ADAM22: variants seen among roughly 807,000 people sequenced by gnomAD.
The protein encoded by ADAM22 is ADAM metallopeptidase domain 22.
In ADAM22, 65 loss-of-function variants were observed where a neutral mutation model predicts 144.6. That is an observed-to-expected ratio of 0.45 (90% CI 0.37 to 0.55). ADAM22 has a LOEUF of 0.55. Among genes scored for constraint, ADAM22 ranks in the 20% least tolerant of loss-of-function variants. The pLI is 0.00. For missense variants in ADAM22, 974 were observed against 1,184.9 expected (o/e 0.82, Z 2.61); for synonymous variants, 391 against 412.6 (o/e 0.95, Z 0.63).
chr7:88,056,256 A>T (rs954495971), intron 3 of ADAM22, among the ~76,000 whole-genome samples: 1 of 152,180 alleles, frequency 6.6e-6, no homozygotes, highest in Non-Finnish European at 1.5e-5. Flanking sequence ...TTCCCCACAG[A>T]TGCCTAATTC....
In ADAM22 at chr7:88,113,364, C is replaced by T. The variant is rs111238952; in HGVS notation, c.474-1220C>T. Among the ~76,000 whole-genome samples, 506 of 151,728 alleles carry T rather than the reference C, an allele frequency of 3.3e-3. 3 individuals carry two copies. Among genetic ancestry groups the T allele is most frequent in the African/African-American group, 0.012 (478 of 41,420 alleles). On this transcript the variant is annotated intron_variant, in intron 5 of 31. Coordinates refer to ENST00000413139, the MANE Select transcript of ADAM22 (RefSeq NM_001324418.2). ...TCTACTATTACTGCTCTGATCTAAG[C>T]CAGCATCTTCTTTCGCCTGGATTAT...
chr7:87,993,011 C>A (rs772897016), intron 3 of ADAM22, among the ~76,000 whole-genome samples: 1 of 152,138 alleles, frequency 6.6e-6, no homozygotes, highest in Non-Finnish European at 1.5e-5. Context: ...GAGGTGAGTT[C>A]GCCTTTCCCC....
At chr7:88,133,173 G>A (rs955299048) in intron 12 of ADAM22, among the ~76,000 whole-genome samples, 2 of 151,836 alleles carry the variant, frequency 1.3e-5, no homozygotes, top group Admixed American at 1.3e-4. Context: ...GACAAGCCTG[G>A]GTAACATGGC....
Position 88,068,513 on chromosome 7 carries a change from A to G in ADAM22, c.324-7113A>G, listed in dbSNP as rs111861010. Among the ~76,000 whole-genome samples the G allele has an allele frequency of 4.5e-3, 687 of 152,294 alleles. 3 individuals carry two copies. Among genetic ancestry groups the G allele is most frequent in the African/African-American group, 0.016 (650 of 41,576 alleles). ...TGGTCCAAAGAAAGTTACATTTAAT[A>G]TTTGGTGACTGCTCTAAGGAAAACA... On this transcript the variant is annotated intron_variant, in intron 3 of 31. Coordinates refer to ENST00000413139, the MANE Select transcript of ADAM22 (RefSeq NM_001324418.2).
intron 4 of ADAM22, among the ~76,000 whole-genome samples, chr7:88,102,995 A>G (rs1037321217): frequency 2.0e-5 from 3 of 152,212 alleles, no homozygotes; most frequent in Non-Finnish European, 4.4e-5. Flanking sequence ...CTTCTCTGAA[A>G]GGAGACAATA....
At chr7:88,047,838 T>C (rs1805077493) in intron 3 of ADAM22, among the ~76,000 whole-genome samples, 1 of 152,050 alleles carries the variant, frequency 6.6e-6, no homozygotes. Context: ...AATTTATAAG[T>C]AAATGGATCA....
At chr7:88,059,202 T>C (rs761622822) in intron 3 of ADAM22, among the ~76,000 whole-genome samples, 69 of 152,262 alleles carry the variant, frequency 4.5e-4, no homozygotes, top group Non-Finnish European at 9.3e-4. Flanking sequence ...AGGATCCTTC[T>C]AATGAAATTT....
At chr7:88,080,930 C>T (rs1488199653) in intron 4 of ADAM22, among the ~76,000 whole-genome samples, 3 of 152,146 alleles carry the variant, frequency 2.0e-5, no homozygotes, top group Non-Finnish European at 2.9e-5. Context: ...GAACTGGTAC[C>T]ATTCCTTCTG....
Position 88,202,327 on chromosome 7 carries a change from G to A in ADAM22, c.*5836G>A, listed in dbSNP as rs1851258591. Reference sequence around the variant, plus strand: ...CTGGAAGACTTGCCCCTCCAAACTAGCACCCCCAAAAGACAACTTCTTTCA... The same window carrying A: ...CTGGAAGACTTGCCCCTCCAAACTAACACCCCCAAAAGACAACTTCTTTCA... On this transcript the variant is annotated 3_prime_UTR_variant, in exon 32 of 32. Transcript: ENST00000413139. 1 of 151,976 alleles carries A rather than the reference G, an allele frequency of 6.6e-6. No homozygotes were observed. Among genetic ancestry groups the A allele is most frequent in the Non-Finnish European group, 1.5e-5 (1 of 68,012 alleles). The allele number at this position is 151,976 out of a possible 1,614,324, so 9.4% of individuals were successfully genotyped here.
chr7:87,935,205 G>C lies in ADAM22; in HGVS notation c.246+19G>C. On this transcript the variant is annotated intron_variant, in intron 2 of 31. Coordinates refer to ENST00000413139, the MANE Select transcript of ADAM22 (RefSeq NM_001324418.2). ...CCCGCAGGTGAGAGGCTCGGTCCGGGAGGTGGTCCTCCGCGCCTCCCGGCC... is the reference window on the plus strand; with the variant it reads ...CCCGCAGGTGAGAGGCTCGGTCCGGCAGGTGGTCCTCCGCGCCTCCCGGCC... 1 of 1,569,916 alleles carries C rather than the reference G, an allele frequency of 6.4e-7. No individual in the cohort carries two copies. Among genetic ancestry groups the C allele is most frequent in the Non-Finnish European group, 8.6e-7 (1 of 1,158,126 alleles).
rs1450213695 is a variant in ADAM22, at chr7:88,179,221, C to A, written c.2495+92C>A. The A allele has an allele frequency of 9.0e-6, 5 of 553,144 alleles. No homozygotes were observed. In the East Asian group the frequency reaches 1.6e-4, roughly 18 times the overall value. The allele number at this position is 553,144 out of a possible 1,614,324, so 34.3% of individuals were successfully genotyped here. A position where few individuals can be genotyped will look rare whatever the true frequency, so the allele number is the denominator to read the frequency against. On this transcript the variant is annotated intron_variant, in intron 27 of 31. Transcript: ENST00000413139. Reference sequence around the variant, plus strand: ...ACTTCAAAATGCCATATGCTCAGAACCACTCATTATACAAATCAGGCCACA... The same window carrying A: ...ACTTCAAAATGCCATATGCTCAGAAACACTCATTATACAAATCAGGCCACA...
intron 26 of ADAM22, 104 bp from the exon 27 acceptor site, chr7:88,178,831 G>T: frequency 1.7e-6 from 1 of 597,700 alleles, no homozygotes; most frequent in African/African-American, 1.9e-5. Context: ...GATTCATGTA[G>T]ATCATTATCC....
At chr7:88,082,116 A>G (rs1195978921) in intron 4 of ADAM22, among the ~76,000 whole-genome samples, 3 of 152,200 alleles carry the variant, frequency 2.0e-5, no homozygotes, top group Non-Finnish European at 2.9e-5. Context: ...CCAAAACAGT[A>G]TGGTACTGGT....
chr7:87,950,727 A>G (rs1184386848), intron 2 of ADAM22, among the ~76,000 whole-genome samples: 2 of 148,060 alleles, frequency 1.4e-5, no homozygotes, highest in Non-Finnish European at 3.0e-5. Context: ...GACTTCCACA[A>G]TGGTTGAACT....
At chr7:88,132,163 T>C (rs944163559) in intron 11 of ADAM22, 94 of 151,988 alleles carry the variant, frequency 6.2e-4, no homozygotes, top group African/African-American at 2.1e-3. Context: ...TTTTGTTTTT[T>C]TTCCTGAACC....
chr7:87,935,369 A>C (rs1260566837), intron 2 of ADAM22, among the ~76,000 whole-genome samples, 183 bp downstream of exon 2: 1 of 152,212 alleles, frequency 6.6e-6, no homozygotes. Flanking sequence ...AAAAAGAACC[A>C]AAATAACCAC....
In ADAM22 at chr7:87,967,255, T is replaced by C. The variant is rs1849346803; in HGVS notation, c.247-11081T>C. ...CTAATACAAGTTATAAATTTTTTCA[T>C]GTAAAATAAAATCAACAGCAAGAAT... On this transcript the variant is annotated intron_variant, in intron 2 of 31. Coordinates refer to ENST00000413139, the MANE Select transcript of ADAM22 (RefSeq NM_001324418.2). Among the ~76,000 whole-genome samples the C allele has an allele frequency of 1.3e-5, 2 of 152,138 alleles. 1 individual carries two copies. The highest frequency in any genetic ancestry group is 2.9e-5 in the Non-Finnish European group (2 of 68,024).
At position 88,148,843 on chromosome 7, in the gene ADAM22, T is replaced by C. The variant is rs923006400; in HGVS notation, c.1486-134T>C. Reference sequence around the variant, plus strand: ...ATAAAATTTTTTTCAGTAACTGTGGTTTTGACAGATTACCATCTTACAGTA... The same window carrying C: ...ATAAAATTTTTTTCAGTAACTGTGGCTTTGACAGATTACCATCTTACAGTA... On this transcript the variant is annotated intron_variant, in intron 17 of 31. Coordinates refer to ENST00000413139, the MANE Select transcript of ADAM22 (RefSeq NM_001324418.2). 9.7e-5 allele frequency: 61 copies of C among 628,260 alleles called. 1 individual carries two copies. Among genetic ancestry groups the C allele is most frequent in the Non-Finnish European group, 9.5e-5 (35 of 368,434 alleles). The allele number at this position is 628,260 out of a possible 1,614,324, so 38.9% of individuals were successfully genotyped here.
Position 88,067,396 on chromosome 7 carries a change from C to T in ADAM22, c.324-8230C>T, listed in dbSNP as rs564545806. On this transcript the variant is annotated intron_variant, in intron 3 of 31. Coordinates refer to ENST00000413139, the MANE Select transcript of ADAM22 (RefSeq NM_001324418.2). ...TATCTCCTAATGCTAACCCTCCCTC[C>T]TCCCCCCACCCCACAACAGTCCCCG... Among the ~76,000 whole-genome samples, 18 of 151,840 alleles carry T rather than the reference C, an allele frequency of 1.2e-4. No homozygotes were observed. In the South Asian group the frequency reaches 3.1e-3, roughly 26 times the overall value.
Sources: gnomAD v4.1 joint callset for allele counts (sites outside exome capture counted in the v4.1 genomes callset) on GRCh38, gnomAD v4.1.1 for gene constraint, MANE v1.5 for transcripts, NCBI Gene and HGNC (gene_info 2026-07-23, HGNC 2026-07-21) for gene names.